CDT1: variants seen among roughly 807,000 people sequenced by gnomAD.
The protein encoded by CDT1 is chromatin licensing and DNA replication factor 1, also known as DNA replication factor Cdt1.
CDT1 carries 66 observed loss-of-function variants against 49.3 expected under a neutral mutation model. The observed-to-expected ratio is 1.34, with a 90% confidence interval of 1.10 to 1.64. CDT1 has a LOEUF of 1.64. Among genes scored for constraint, CDT1 ranks in the 40% most tolerant of loss-of-function variants. The probability of loss-of-function intolerance (pLI) is 0.00; values close to 1 mark genes in which losing one functional copy is unlikely to be tolerated. For synonymous variants in CDT1, 424 were observed against 347.4 expected, an observed-to-expected ratio of 1.22 and a Z score of -2.45; for missense variants, 958 against 807.7, an observed-to-expected ratio of 1.19 and a Z score of -2.26.
rs1485756453 is a variant in CDT1, at chr16:88,808,100, C to T, written c.1478-15C>T. ...GGCCCAGCACCAGCCTCAGTGTCCT[C>T]CTCTCCTCCCCCAGGGGAAATGGAG... On this transcript the variant is annotated splice_polypyrimidine_tract_variant and intron_variant, in intron 9 of 9. Coordinates refer to ENST00000301019, the MANE Select transcript of CDT1 (RefSeq NM_030928.4). 1 of 1,611,268 alleles carries T rather than the reference C, an allele frequency of 6.2e-7. No homozygotes were observed.
rs71395326 is a variant in CDT1, at chr16:88,807,724, G to A, written c.1477+242G>A. On this transcript the variant is annotated intron_variant, in intron 9 of 9. Transcript: ENST00000301019. ...AGGCAGCTTCCCCCTCACAGCTCTG[G>A]CCCTTTCCCTGACCACCTGCAGTCC... Among the ~76,000 whole-genome samples, 1,108 of 152,272 alleles carry A rather than the reference G, an allele frequency of 7.3e-3. 4 individuals carry two copies. Among genetic ancestry groups the A allele is most frequent in the Middle Eastern group, 0.031 (9 of 294 alleles).
Position 88,804,245 on chromosome 16 carries a change from G to A in CDT1, c.228+186G>A, listed in dbSNP as rs565294362. 7.2e-5 allele frequency among the ~76,000 whole-genome samples: 11 copies of A among 152,202 alleles called. No homozygotes were observed. The East Asian group carries it at 2.1e-3, about 29-fold the overall frequency. ...GCGCCCTGCCACCACTGGGGACTTG[G>A]CTGGCTCCTGAGATGAGCAGGAGGC... On this transcript the variant is annotated intron_variant, in intron 1 of 9. Transcript: ENST00000301019.
rs1908778074 is a variant in CDT1, at chr16:88,804,659, C to G, written c.343C>G (p.Gln115Glu). Reference protein sequence around the residue: ...AGQPPHLTSAQDQDTISELAS... With the variant: ...AGQPPHLTSAEDQDTISELAS... ...TCAGCCGCCCCACCTGACATCCGCG[C>G]AGGACCAGGTGAGGGGCGGGGCCTG... Residue 115 changes from glutamine (Q) to glutamate (E), a missense_variant, in exon 2 of 10, where the codon CAG becomes GAG. By Grantham distance (29) the Gln-to-Glu change is conservative (BLOSUM62 2). Transcript: ENST00000301019. The G allele has an allele frequency of 6.2e-7, 1 of 1,612,548 alleles. No homozygotes were observed. Among genetic ancestry groups the G allele is most frequent in the Non-Finnish European group, 8.5e-7 (1 of 1,179,818 alleles).
Position 88,806,427 on chromosome 16 carries a change from A to G in CDT1, c.934-59A>G, listed in dbSNP as rs913152681. 1.4e-5 allele frequency: 22 copies of G among 1,576,062 alleles called. No individual in the cohort carries two copies. The African/African-American group carries it at 2.2e-4, about 15-fold the overall frequency. On this transcript the variant is annotated intron_variant, in intron 6 of 9. Transcript: ENST00000301019. ...GGACGTAAGCACAGGCCTACCTCAC[A>G]TGCAGTCTGCCCTTGTCTCAGATGT...
At chr16:88,804,482 C>T in intron 1 of CDT1, 63 bp from the exon 2 acceptor site, 3 of 1,581,864 alleles carry the variant, frequency 1.9e-6, no homozygotes, top group Non-Finnish European at 1.7e-6. Context: ...CCTTCGGGGT[C>T]CTCTGCAGAG....
rs371658696 is a variant in CDT1 at position 88,804,538 on chromosome 16, C to T, written c.229-7C>T. The T allele has an allele frequency of 6.2e-7, 1 of 1,611,648 alleles. No individual in the cohort carries two copies. The highest frequency in any genetic ancestry group is 1.7e-5 in the Admixed American group (1 of 59,890). Reference sequence around the variant, plus strand: ...CATGAGTTCACCCTTGGGGTCCCTCCCACCAGGTTTCCAGCCCCAGTACCC... The same window carrying T: ...CATGAGTTCACCCTTGGGGTCCCTCTCACCAGGTTTCCAGCCCCAGTACCC... On this transcript the variant is annotated splice_region_variant and splice_polypyrimidine_tract_variant and intron_variant, in intron 1 of 9. Coordinates refer to ENST00000301019, the MANE Select transcript of CDT1 (RefSeq NM_030928.4).
In CDT1 at chr16:88,808,753, T is replaced by C. The variant is rs573548716; in HGVS notation, c.*475T>C. 4 of 170,164 alleles carry C rather than the reference T, an allele frequency of 2.4e-5. No individual in the cohort carries two copies. Among genetic ancestry groups the C allele is most frequent in the Admixed American group, 1.1e-4 (2 of 17,768 alleles). 10.5% of individuals were successfully genotyped at this position (170,164 alleles called of 1,614,324 possible). On this transcript the variant is annotated 3_prime_UTR_variant, in exon 10 of 10. Coordinates refer to ENST00000301019, the MANE Select transcript of CDT1 (RefSeq NM_030928.4). ...GGCTCACGCCTGTAACCCCAGCACT[T>C]TGGGAGGCCAAGGTGGGCAGATCAC...
chr16:88,805,310 A>C, intron 3 of CDT1, 130 bp from the exon 4 acceptor site: 2 of 1,097,466 alleles, frequency 1.8e-6, no homozygotes, highest in Non-Finnish European at 2.7e-6. Flanking sequence ...GTGGGTGTGC[A>C]AGGGCCGCGA....
In CDT1 at chr16:88,804,827, G is replaced by A; in HGVS notation, c.417G>A (p.Ala139=). 1.9e-6 allele frequency: 3 copies of A among 1,612,290 alleles called. No homozygotes were observed. Among genetic ancestry groups the A allele is most frequent in the Admixed American group, 1.7e-5 (1 of 59,980 alleles). The change falls in exon 3 of 10, where the codon GCG becomes GCA. Residue 139 remains alanine (A), a synonymous_variant. Coordinates refer to ENST00000301019, the MANE Select transcript of CDT1 (RefSeq NM_030928.4). ...RARELGARVR[A]LKASAQDAGE... ...GGGAGCTGGGGGCAAGAGTCCGGGC[G>A]CTGAAGGCCAGTGCCCAGGATGCTG...
intron 9 of CDT1, 139 bp downstream of exon 9, chr16:88,807,621 G>T: frequency 4.5e-6 from 4 of 882,168 alleles, no homozygotes; most frequent in Non-Finnish European, 7.1e-6. Context: ...CTCTTGCACT[G>T]GTGTGTCCTG....
chr16:88,806,688 G>A lies in CDT1; in HGVS notation c.1122+14G>A, dbSNP rs1350063181. ...ATTTCACCCAGGGTGAGACTGCGAG[G>A]CTTGGGCAGCCCATTTCTCCCGGGT... On this transcript the variant is annotated intron_variant, in intron 7 of 9. Transcript: ENST00000301019. 2 of 1,582,814 alleles carry A rather than the reference G, an allele frequency of 1.3e-6. No individual in the cohort carries two copies. The highest frequency in any genetic ancestry group is 1.7e-6 in the Non-Finnish European group (2 of 1,164,928).
Position 88,805,792 on chromosome 16 carries a change from A to G in CDT1, c.755A>G (p.Glu252Gly). 2 of 1,613,154 alleles carry G rather than the reference A, an allele frequency of 1.2e-6. No individual in the cohort carries two copies. The highest frequency in any genetic ancestry group is 2.2e-5 in the South Asian group (2 of 91,086). The change falls in exon 5 of 10, where the codon GAG (glutamate) becomes GGG (glycine). Residue 252 changes from glutamate to glycine, a missense_variant. Transcript: ENST00000301019. Reference sequence around the variant, plus strand: ...CCGGCCTCCTACCGCTTCCGCCAGGAGCGCAGTGTCCCCACCTTCAAGGAT... The same window carrying G: ...CCGGCCTCCTACCGCTTCCGCCAGGGGCGCAGTGTCCCCACCTTCAAGGAT... ...VYPASYRFRQ[E>G]RSVPTFKDGT...
In CDT1 at chr16:88,806,553, G is replaced by A. The variant is rs1274868160; in HGVS notation, c.1001G>A (p.Arg334His). The A allele has an allele frequency of 2.5e-6, 4 of 1,609,328 alleles. No homozygotes were observed. In the African/African-American group the frequency reaches 4.0e-5, roughly 16 times the overall value. The change falls in exon 7 of 10, where the codon CGC becomes CAC. Residue 334 changes from arginine (R) to histidine (H), a missense_variant. Coordinates refer to ENST00000301019, the MANE Select transcript of CDT1 (RefSeq NM_030928.4). The stretch of plus-strand genomic sequence containing the variant: ...GACCAGCTGACCCGCTGGCACCCGC[G>A]CTTCAACGTGGATGAAGTACCCGAC... Reference protein sequence around the residue: ...PEDQLTRWHPRFNVDEVPDIE... With the variant: ...PEDQLTRWHPHFNVDEVPDIE...
At chr16:88,805,993 G>T in intron 5 of CDT1, 28 bp from the exon 6 acceptor site, 1 of 1,578,604 alleles carries the variant, frequency 6.3e-7, no homozygotes. Context: ...TGGCCTGGTG[G>T]GGACTTAGGC....
Position 88,806,129 on chromosome 16 carries a change from G to GC in CDT1, c.933+13dup. 6.3e-7 allele frequency: 1 copy of GC among 1,580,892 alleles called. No homozygotes were observed. On this transcript the variant is annotated intron_variant, in intron 6 of 9. Coordinates refer to ENST00000301019, the MANE Select transcript of CDT1 (RefSeq NM_030928.4). The stretch of plus-strand genomic sequence containing the variant: ...GTCAAGGAGCACCACAAGGTGAGCG[G>GC]CCCCCGGCCCCGCTGTGTGAAGATG...
chr16:88,804,328 G>C (rs184521594), intron 1 of CDT1, among the ~76,000 whole-genome samples: 7 of 152,302 alleles, frequency 4.6e-5, no homozygotes, highest in African/African-American at 1.7e-4. Context: ...TTCTCTGCGA[G>C]GCCAGGGCAG....
rs556429460 is a variant in CDT1 at position 88,808,269 on chromosome 16, G to T, written c.1632G>T (p.Glu544Asp). 2 of 1,589,238 alleles carry T rather than the reference G, an allele frequency of 1.3e-6. No homozygotes were observed. The highest frequency in any genetic ancestry group is 3.6e-5 in the Admixed American group (2 of 56,114). The change falls in exon 10 of 10, where the codon GAG becomes GAT. Residue 544 changes from glutamate to aspartate, a missense_variant. Glu to Asp is a conservative substitution (Grantham distance 45). Transcript: ENST00000301019. ...ARLAHQTRAE[E>D]GL ...TGGCCCACCAGACACGTGCTGAGGA[G>T]GGGCTGTGAGCCTGGGGGCCACTGT...
intron 1 of CDT1, 87 bp downstream of exon 1, chr16:88,804,146 AGGGACGGGGGCGGGGAAACAGGCGGGG>A (rs896976477): frequency 6.0e-6 from 4 of 663,768 alleles, no homozygotes; most frequent in Non-Finnish European, 8.3e-6. Context: ...ACTGAGGCGG[AGGGACGGGGGCGGGGAAACAGGCGGGG>A]GGGACGGGGC....
At chr16:88,804,934 A>T (rs923979930) in intron 3 of CDT1, 36 bp downstream of exon 3, 84 of 1,535,844 alleles carry the variant, frequency 5.5e-5, no homozygotes, top group Non-Finnish European at 7.3e-5. Context: ...GGCCCCGGCA[A>T]AGGCCGGGTT....
Sources: gnomAD v4.1 joint callset for allele counts (sites outside exome capture counted in the v4.1 genomes callset) on GRCh38, gnomAD v4.1.1 for gene constraint, MANE v1.5 for transcripts, NCBI Gene and HGNC (gene_info 2026-07-23, HGNC 2026-07-21) for gene names.